PKP3: variants seen among roughly 807,000 people sequenced by gnomAD.
PKP3 encodes plakophilin 3.
PKP3 carries 66 observed loss-of-function variants against 76.5 expected under a neutral mutation model. The ratio of observed to expected loss-of-function variants is 0.86; its 90% CI spans 0.71 to 1.06. The LOEUF (loss-of-function observed/expected upper bound fraction) is 1.06, where lower values mean the gene tolerates loss of function less well. Among genes scored for constraint, PKP3 ranks in the 50% least tolerant of loss-of-function variants. PKP3 has a pLI of 0.00. For synonymous variants in PKP3, 638 were observed against 516.5 expected (o/e 1.24, Z -3.19); for missense variants, 1,338 against 1,141.0 (o/e 1.17, Z -2.49).
At position 397,142 on chromosome 11, in the gene PKP3, C is replaced by G; in HGVS notation, c.641C>G (p.Ala214Gly). ...GCCACCTCCACCTACAGGGCCTTTGCGTACGAGCGCCAGGCCAGCTCCAGC... is the reference window on the plus strand; with the variant it reads ...GCCACCTCCACCTACAGGGCCTTTGGGTACGAGCGCCAGGCCAGCTCCAGC... ...PAATSTYRAFAYERQASSSSS... is the reference protein window; with the variant it reads ...PAATSTYRAFGYERQASSSSS... Residue 214 changes from alanine (A) to glycine (G), a missense_variant, in exon 3 of 13, where the codon GCG (alanine) becomes GGG (glycine). Ala to Gly is a moderately conservative substitution (Grantham distance 60). Coordinates refer to ENST00000331563, the MANE Select transcript of PKP3 (RefSeq NM_007183.4). 6.3e-7 allele frequency: 1 copy of G among 1,597,856 alleles called. No individual in the cohort carries two copies. Among genetic ancestry groups the G allele is most frequent in the African/African-American group, 1.3e-5 (1 of 74,990 alleles).
chr11:399,844 C>T (rs1430763674), intron 5 of PKP3, 123 bp from the exon 6 acceptor site: 2 of 777,700 alleles, frequency 2.6e-6, no homozygotes, highest in Admixed American at 2.8e-5. Flanking sequence ...CAGTGGGGCT[C>T]GTGGGTGAGG....
intron 4 of PKP3, chr11:397,883 ATCACCTCCGTACACCCGCACACACCTGCG>A: frequency 3.9e-6 from 2 of 508,166 alleles, no homozygotes; most frequent in South Asian, 4.3e-5. Flanking sequence ...CATATACCTC[ATCACCTCCGTACACCCGCACACACCTGCG>A]TCACCTCCGT....
rs769198839 is a variant in PKP3, at chr11:403,745, G to A, written c.2051G>A (p.Arg684Gln). 3.2e-5 allele frequency: 51 copies of A among 1,608,012 alleles called. No individual in the cohort carries two copies. Among genetic ancestry groups the A allele is most frequent in the Non-Finnish European group, 3.4e-5 (40 of 1,179,848 alleles). Reference protein sequence around the residue: ...SLTGLIRNLSRNARNKDEMST... With the variant: ...SLTGLIRNLSQNARNKDEMST... ...ACTGGCCTCATCCGAAACCTGTCTCGGAACGCTAGGAACAAGGACGAGATG... is the reference window on the plus strand; with the variant it reads ...ACTGGCCTCATCCGAAACCTGTCTCAGAACGCTAGGAACAAGGACGAGATG... Residue 684 changes from arginine to glutamine, a missense_variant, in exon 10 of 13, where the codon CGG becomes CAG. By Grantham distance (43) the Arg-to-Gln change is conservative. Coordinates refer to ENST00000331563, the MANE Select transcript of PKP3 (RefSeq NM_007183.4).
At position 400,563 on chromosome 11, in the gene PKP3, G is replaced by A. The variant is rs1254185499; in HGVS notation, c.1595G>A (p.Arg532Gln). The A allele has an allele frequency of 1.3e-6, 2 of 1,496,066 alleles. No homozygotes were observed. Among genetic ancestry groups the A allele is most frequent in the Non-Finnish European group, 8.8e-7 (1 of 1,130,298 alleles). 92.7% of individuals were successfully genotyped at this position (1,496,066 alleles called of 1,614,324 possible). A position where few individuals can be genotyped will look rare whatever the true frequency, so the allele number is the denominator to read the frequency against. ...KSVENAVCVL[R>Q]NLSYRLYDEM... ...GTGGAGAACGCGGTGTGCGTCCTGC[G>A]GAACCTGTCCTACCGCCTCTACGAC... The change falls in exon 8 of 13, where the codon CGG becomes CAG. Residue 532 changes from arginine (R) to glutamine (Q), a missense_variant. By Grantham distance (43) the Arg-to-Gln change is conservative. Coordinates refer to ENST00000331563, the MANE Select transcript of PKP3 (RefSeq NM_007183.4).
At chr11:398,151 G>A (rs1847085840) in intron 4 of PKP3, among the ~76,000 whole-genome samples, 1 of 58,110 alleles carries the variant, frequency 1.7e-5, no homozygotes. Flanking sequence ...CATCACCTCC[G>A]TACACCCGCA....
chr11:400,291 G>GA (rs1454677874), intron 6 of PKP3, 43 bp from the exon 7 acceptor site: 1 of 1,495,628 alleles, frequency 6.7e-7, no homozygotes, highest in African/African-American at 1.4e-5. Context: ...CAAGGCCCGG[G>GA]ATGCGGGGTC....
chr11:397,242 C>CTT lies in PKP3; in HGVS notation c.741_742insTT (p.Val248LeufsTer17). 2 of 1,599,740 alleles carry CTT rather than the reference C, an allele frequency of 1.3e-6. No individual in the cohort carries two copies. The highest frequency in any genetic ancestry group is 1.7e-6 in the Non-Finnish European group (2 of 1,178,574). On this transcript the variant is annotated frameshift_variant, in exon 3 of 13. Transcript: ENST00000331563. LOFTEE classifies it high-confidence loss of function. ...CGAGCCGGACCATCCGTGCCCCTGC[C>CTT]GTGCGGACCCTGCAGCGATTCCAGA...
In PKP3 at chr11:403,138, G is replaced by A. The variant is rs1590360653; in HGVS notation, c.1798G>A (p.Glu600Lys). The A allele has an allele frequency of 1.9e-6, 3 of 1,574,852 alleles. No homozygotes were observed. Among genetic ancestry groups the A allele is most frequent in the Non-Finnish European group, 2.6e-6 (3 of 1,162,246 alleles). Residue 600 changes from glutamate (E) to lysine (K), a missense_variant, in exon 9 of 13, where the codon GAG becomes AAG. Transcript: ENST00000331563. ...AEVSKDPKGL[E>K]WLWSPQIVGL... ...GGTGTCCAAGGACCCCAAGGGCCTC[G>A]AGTGGCTGTGGAGCCCCCAGATCGT...
In PKP3 at chr11:399,971, C is replaced by T; in HGVS notation, c.1278C>T (p.Ile426=). The T allele has an allele frequency of 6.3e-7, 1 of 1,599,572 alleles. No individual in the cohort carries two copies. The highest frequency in any genetic ancestry group is 8.5e-7 in the Non-Finnish European group (1 of 1,174,648). Residue 426 remains isoleucine (I), a synonymous_variant, in exon 6 of 13, where the codon ATC becomes ATT. Coordinates refer to ENST00000331563, the MANE Select transcript of PKP3 (RefSeq NM_007183.4). ...GCAGCCTCCCCCGTCCTCCAGGGAT[C>T]CTGTGGAACCTTTCATCCAGCGACC... is the stretch of plus-strand genomic sequence containing the variant. ...DDELRKNVTG[I]LWNLSSSDHL... is the part of the protein sequence containing the mutation.
At chr11:397,888 C>T (rs994882711) in intron 4 of PKP3, 15 of 551,188 alleles carry the variant, frequency 2.7e-5, no homozygotes, top group Middle Eastern at 4.8e-4. Flanking sequence ...ACCTCATCAC[C>T]TCCGTACACC....
Position 400,159 on chromosome 11 carries a change from AGCGGGGTGGGGATTGCAGGC to A in PKP3, c.1448+24_1448+43del. 1 of 1,525,394 alleles carries A rather than the reference AGCGGGGTGGGGATTGCAGGC, an allele frequency of 6.6e-7. No homozygotes were observed. Among genetic ancestry groups the A allele is most frequent in the South Asian group, 1.3e-5 (1 of 78,770 alleles). The allele number at this position is 1,525,394 out of a possible 1,614,324, so 94.5% of individuals were successfully genotyped here. A position where few individuals can be genotyped will look rare whatever the true frequency, so the allele number is the denominator to read the frequency against. ...TTCCTCAGGTGCGCCAGCCTCGGGC[AGCGGGGTGGGGATTGCAGGC>A]GCGGGTCACTGTGGGGACTCCGCCT... On this transcript the variant is annotated intron_variant, in intron 6 of 12. Transcript: ENST00000331563.
In PKP3 at chr11:403,622, CG is replaced by C. The variant is rs2133607287; in HGVS notation, c.1933del (p.Val645CysfsTer2). Reference sequence around the variant, plus strand: ...TCACACCCTCCCTCCCCACAGTGGGCGGGGGTGCTGAGCCGCCTGGCCCTGG... The same window carrying C: ...TCACACCCTCCCTCCCCACAGTGGGCGGGGTGCTGAGCCGCCTGGCCCTGG... ...QNITAGDRRW[A>X]GVLSRLALEQ... is the part of the protein sequence containing the mutation. On this transcript the variant is annotated frameshift_variant, in exon 10 of 13. Transcript: ENST00000331563. LOFTEE classifies it high-confidence loss of function. The C allele has an allele frequency of 1.2e-6, 2 of 1,604,164 alleles. No individual in the cohort carries two copies.
At position 404,001 on chromosome 11, in the gene PKP3, GC is replaced by G; in HGVS notation, c.2141del (p.Pro714GlnfsTer9). 1 of 1,611,284 alleles carries G rather than the reference GC, an allele frequency of 6.2e-7. No individual in the cohort carries two copies. Among genetic ancestry groups the G allele is most frequent in the Non-Finnish European group, 8.5e-7 (1 of 1,178,966 alleles). Reference sequence around the variant, plus strand: ...TGCCGGGCAGCGTGGGTGAGAAGTCGCCCCCAGCCGAGGTGCTGGTCAACAT... The same window carrying G: ...TGCCGGGCAGCGTGGGTGAGAAGTCGCCCCAGCCGAGGTGCTGGTCAACAT... ...KLPGSVGEKSPPAEVLVNIIA... is the reference protein window; with the variant it reads ...KLPGSVGEKSXPAEVLVNIIA... On this transcript the variant is annotated frameshift_variant, in exon 11 of 13. Coordinates refer to ENST00000331563, the MANE Select transcript of PKP3 (RefSeq NM_007183.4). LOFTEE classifies it high-confidence loss of function. The surrounding 1 kb of genome is among the most constrained non-coding windows in gnomAD (Gnocchi z 4.2).
chr11:397,726 C>T, intron 4 of PKP3, 64 bp downstream of exon 4: 2 of 1,532,636 alleles, frequency 1.3e-6, no homozygotes, highest in Non-Finnish European at 1.8e-6. Flanking sequence ...CCACCACCTC[C>T]CACTGTCCTC....
Position 403,955 on chromosome 11 carries a change from T to C in PKP3, c.2090T>C (p.Val697Ala), listed in dbSNP as rs1256360038. 9 of 1,601,480 alleles carry C rather than the reference T, an allele frequency of 5.6e-6. No homozygotes were observed. In the South Asian group the frequency reaches 7.8e-5, roughly 14 times the overall value. ...CGGCCTCCCACAGCCACGAAGGTGG[T>C]GAGCCACCTGATCGAGAAGCTGCCG... ...RNKDEMSTKVVSHLIEKLPGS... is the reference protein window; with the variant it reads ...RNKDEMSTKVASHLIEKLPGS... Residue 697 changes from valine (V) to alanine (A), a missense_variant, in exon 11 of 13, where the codon GTG becomes GCG. Transcript: ENST00000331563.
In PKP3 at chr11:399,014, C is replaced by T. The variant is rs372439141; in HGVS notation, c.1091C>T (p.Pro364Leu). Residue 364 changes from proline to leucine, a missense_variant, in exon 5 of 13, where the codon CCT becomes CTT. Transcript: ENST00000331563. Reference protein sequence around the residue: ...KKQARSLQAVPRLVKLFNHAN... With the variant: ...KKQARSLQAVLRLVKLFNHAN... Reference sequence around the variant, plus strand: ...CAGGCCCGCAGCCTTCAGGCCGTGCCTAGGCTGGTGAAGCTCTTCAACCAC... The same window carrying T: ...CAGGCCCGCAGCCTTCAGGCCGTGCTTAGGCTGGTGAAGCTCTTCAACCAC... The T allele has an allele frequency of 8.8e-6, 14 of 1,596,200 alleles. No individual in the cohort carries two copies. The highest frequency in any genetic ancestry group is 1.1e-5 in the Non-Finnish European group (13 of 1,169,048).
At position 404,720 on chromosome 11, in the gene PKP3, C is replaced by T. The variant is rs558744417; in HGVS notation, c.*151C>T. 7.4e-6 allele frequency: 5 copies of T among 675,150 alleles called. No homozygotes were observed. The highest frequency in any genetic ancestry group is 1.3e-5 in the Non-Finnish European group (5 of 388,772). 41.8% of individuals were successfully genotyped at this position (675,150 alleles called of 1,614,324 possible). A position where few individuals can be genotyped will look rare whatever the true frequency, so the allele number is the denominator to read the frequency against. On this transcript the variant is annotated 3_prime_UTR_variant, in exon 13 of 13. Coordinates refer to ENST00000331563, the MANE Select transcript of PKP3 (RefSeq NM_007183.4). This position sits in a 1 kb window ranked among gnomAD's most constrained non-coding sequence, Gnocchi z 4.2. The stretch of plus-strand genomic sequence containing the variant: ...TGTGTGCATCTTTGAGGGTCCTGGG[C>T]CACCAGGAGGGGCAGGGTCTTATAG...
chr11:393,792 A>AT (rs1847006110), upstream of PKP3, among the ~76,000 whole-genome samples: 1 of 151,876 alleles, frequency 6.6e-6, no homozygotes, highest in African/African-American at 2.4e-5. Flanking sequence ...AGGCTGGCTG[A>AT]TTCTTGGAGC....
chr11:403,528 G>A (rs1364296452), intron 9 of PKP3, 90 bp from the exon 10 acceptor site: 28 of 1,327,450 alleles, frequency 2.1e-5, no homozygotes, highest in African/African-American at 2.9e-5. Context: ...TGAGGGTGGC[G>A]AGAGGATGCA....
Sources: allele counts gnomAD v4.1 joint callset (sites outside exome capture counted in the v4.1 genomes callset), GRCh38; gene constraint gnomAD v4.1.1; non-coding constraint Gnocchi (gnomAD v3.1); transcripts MANE v1.5; gene names NCBI Gene and HGNC (gene_info 2026-07-23, HGNC 2026-07-21).